The following CRACR2A variants were observed in gnomAD, a reference collection of about 807,000 sequenced individuals.
The protein encoded by CRACR2A is calcium release activated channel regulator 2A, also known as EF-hand calcium-binding domain-containing protein 4B.
A neutral mutation model predicts 90.5 loss-of-function variants in CRACR2A; 79 were observed. The observed-to-expected ratio is 0.87, with a 90% confidence interval of 0.73 to 1.05. CRACR2A has a LOEUF of 1.05. CRACR2A is among the 50% of genes least tolerant of loss of function. The pLI is 0.00. For missense variants in CRACR2A, 823 were observed against 897.2 expected (o/e 0.92, Z 1.06); for synonymous variants, 338 against 356.7 (o/e 0.95, Z 0.59).
rs1303271807 is a variant in CRACR2A, at chr12:3,644,664, A to C, written c.1119-24T>G. Reference sequence around the variant, plus strand: ...CCCTGTGGATGGTAAAGGGGAATCTATTCAAACATGGAGTTTGCAGTTGAC... The same window carrying C: ...CCCTGTGGATGGTAAAGGGGAATCTCTTCAAACATGGAGTTTGCAGTTGAC... On this transcript the variant is annotated intron_variant, in intron 11 of 19. Transcript: ENST00000440314. 3 of 1,551,252 alleles carry C rather than the reference A, an allele frequency of 1.9e-6. No individual in the cohort carries two copies. In the African/African-American group the frequency reaches 4.1e-5, roughly 21 times the overall value.
At chr12:3,653,392 G>A (rs183435961) in intron 10 of CRACR2A, among the ~76,000 whole-genome samples, 68 of 152,314 alleles carry the variant, frequency 4.5e-4, no homozygotes, top group Non-Finnish European at 4.4e-5. Flanking sequence ...AAATGAATAA[G>A]TCATTGACTA....
At chr12:3,649,074 C>T in intron 10 of CRACR2A, among the ~76,000 whole-genome samples, 1 of 151,258 alleles carries the variant, frequency 6.6e-6, no homozygotes, top group Non-Finnish European at 1.5e-5. Context: ...ACACCAGGGA[C>T]TGTTGTGGGG....
At chr12:3,647,456 C>G (rs894575267) in intron 11 of CRACR2A, among the ~76,000 whole-genome samples, 2 of 152,100 alleles carry the variant, frequency 1.3e-5, no homozygotes, top group Non-Finnish European at 2.9e-5. Flanking sequence ...TTGAATCTAC[C>G]CTTTCATTTT....
At chr12:3,722,709 G>A (rs1330451545) in intron 2 of CRACR2A, among the ~76,000 whole-genome samples, 1 of 152,180 alleles carries the variant, frequency 6.6e-6, no homozygotes, top group African/African-American at 2.4e-5. Context: ...TGTGCAAACA[G>A]CCCCTAACCA....
intron 3 of CRACR2A, among the ~76,000 whole-genome samples, chr12:3,712,193 T>G (rs1296371939): frequency 6.6e-6 from 1 of 151,160 alleles, no homozygotes; most frequent in Non-Finnish European, 1.5e-5. Flanking sequence ...AGTGTGAACT[T>G]TGCCACCCTG....
chr12:3,632,152 C>T (rs1944387311), intron 15 of CRACR2A, among the ~76,000 whole-genome samples: 1 of 152,110 alleles, frequency 6.6e-6, no homozygotes, highest in Non-Finnish European at 1.5e-5. Context: ...GTAGTACCTC[C>T]CCTGTCCTCT....
At chr12:3,678,754 A>AG (rs1945384321) in intron 6 of CRACR2A, among the ~76,000 whole-genome samples, 161 bp downstream of exon 6, 1 of 148,836 alleles carries the variant, frequency 6.7e-6, no homozygotes, top group East Asian at 1.9e-4. Flanking sequence ...GTCATCACAA[A>AG]GGACAGGCCC....
At chr12:3,745,825 T>TAAAATAAAAGAAAAGAAAG (rs149739964) in intron 1 of CRACR2A, among the ~76,000 whole-genome samples, 9 of 100,534 alleles carry the variant, frequency 9.0e-5, no homozygotes, top group African/African-American at 3.6e-4. Flanking sequence ...TAAAATAAAA[T>TAAAATAAAAGAAAAGAAAG]AAAGAAAGAA....
At chr12:3,694,660 C>G (rs1945707450) in intron 4 of CRACR2A, among the ~76,000 whole-genome samples, 1 of 152,152 alleles carries the variant, frequency 6.6e-6, no homozygotes, top group Non-Finnish European at 1.5e-5. Flanking sequence ...CCATGAGAAG[C>G]CTGTTGTTCT....
chr12:3,700,049 G>C (rs1945811377), intron 3 of CRACR2A, among the ~76,000 whole-genome samples: 1 of 152,158 alleles, frequency 6.6e-6, no homozygotes, highest in Non-Finnish European at 1.5e-5. Context: ...TAGACACCAG[G>C]AATGAAGGAT....
At chr12:3,643,789 AT>A (rs1310077353) in intron 12 of CRACR2A, among the ~76,000 whole-genome samples, 9 of 114,730 alleles carry the variant, frequency 7.8e-5, no homozygotes, top group Admixed American at 6.3e-4. Context: ...TTATATATAT[AT>A]TTATATAATA....
chr12:3,744,692 C>A (rs1946582071), intron 1 of CRACR2A, among the ~76,000 whole-genome samples: 1 of 151,804 alleles, frequency 6.6e-6, no homozygotes, highest in African/African-American at 2.4e-5. Flanking sequence ...TTTTTTAAAC[C>A]CAAACAAACA....
chr12:3,650,645 T>A (rs1944778953), intron 10 of CRACR2A, among the ~76,000 whole-genome samples: 1 of 152,150 alleles, frequency 6.6e-6, no homozygotes, highest in African/African-American at 2.4e-5. Flanking sequence ...CACCCCACCC[T>A]GTGTCCTGCC....
intron 8 of CRACR2A, 63 bp downstream of exon 8, chr12:3,659,501 G>A: frequency 2.0e-6 from 3 of 1,471,260 alleles, no homozygotes; most frequent in Admixed American, 1.7e-5. Flanking sequence ...TCTTAAACCT[G>A]GGGGAGACAG....
chr12:3,677,553 C>T (rs774483398), intron 6 of CRACR2A, among the ~76,000 whole-genome samples: 5 of 152,190 alleles, frequency 3.3e-5, no homozygotes, highest in East Asian at 1.9e-4. Context: ...CCTTCCGTTA[C>T]GGTGCCTCAG....
rs1189508839 is a variant in CRACR2A at position 3,627,720 on chromosome 12, TG to T, written c.1736-15del. 1 of 1,551,596 alleles carries T rather than the reference TG, an allele frequency of 6.4e-7. No homozygotes were observed. Among genetic ancestry groups the T allele is most frequent in the Non-Finnish European group, 8.7e-7 (1 of 1,146,922 alleles). On this transcript the variant is annotated splice_polypyrimidine_tract_variant and intron_variant, in intron 15 of 19. Transcript: ENST00000440314. ...GGTAATCAATGCCTGCAGGGTGAAA[TG>T]GGCCTGTCAGGGCTGCCCTGGGCCA...
intron 6 of CRACR2A, among the ~76,000 whole-genome samples, chr12:3,677,394 A>G (rs1391087399): frequency 6.6e-6 from 1 of 151,788 alleles, no homozygotes; most frequent in Non-Finnish European, 1.5e-5. Flanking sequence ...AACCTCCACA[A>G]AACCTCCTCT....
At chr12:3,644,401 T>G (rs1484367062) in intron 12 of CRACR2A, among the ~76,000 whole-genome samples, 194 bp downstream of exon 12, 1 of 152,170 alleles carries the variant, frequency 6.6e-6, no homozygotes, top group African/African-American at 2.4e-5. Flanking sequence ...TGCATTACTC[T>G]GTGGAAAATT....
intron 2 of CRACR2A, among the ~76,000 whole-genome samples, chr12:3,715,490 G>A (rs991868869): frequency 6.6e-6 from 1 of 152,156 alleles, no homozygotes; most frequent in Non-Finnish European, 1.5e-5. Flanking sequence ...AACATCACAC[G>A]TACTTATAAT....
Sources: allele counts gnomAD v4.1 joint callset (sites outside exome capture counted in the v4.1 genomes callset), GRCh38; gene constraint gnomAD v4.1.1; transcripts MANE v1.5; gene names NCBI Gene and HGNC (gene_info 2026-07-23, HGNC 2026-07-21).